KMT2A: variants seen among roughly 807,000 people sequenced by gnomAD.
The protein encoded by KMT2A is histone-lysine N-methyltransferase 2A.
Under a neutral mutation model 345.3 loss-of-function variants are expected in KMT2A, and 16 were observed. The ratio of observed to expected loss-of-function variants is 0.05; its 90% CI spans 0.03 to 0.07. KMT2A has a LOEUF of 0.07. Among genes scored for constraint, KMT2A ranks in the 10% least tolerant of loss-of-function variants. The pLI is 1.00. For missense variants in KMT2A, 3,272 were observed against 4,841.6 expected, an observed-to-expected ratio of 0.68 and a Z score of 9.62; for synonymous variants, 1,599 against 1,778.6, an observed-to-expected ratio of 0.90 and a Z score of 2.54.
intron 8 of KMT2A, among the ~76,000 whole-genome samples, chr11:118,482,970 C>T (rs550954564): frequency 3.9e-5 from 6 of 152,246 alleles, no homozygotes; most frequent in South Asian, 2.1e-4. Flanking sequence ...CAGCGGCTCA[C>T]GCCTGTGATC....
intron 28 of KMT2A, 115 bp downstream of exon 28, chr11:118,507,724 G>C: frequency 1.3e-6 from 1 of 766,622 alleles, no homozygotes; most frequent in Admixed American, 2.1e-5. Context: ...TAGTAGTCTG[G>C]GAGGCCGAGG....
At position 118,484,380 on chromosome 11, in the gene KMT2A, T is replaced by C; in HGVS notation, c.4218+66T>C. On this transcript the variant is annotated intron_variant, in intron 9 of 35. Coordinates refer to ENST00000534358, the MANE Select transcript of KMT2A (RefSeq NM_001197104.2). This position sits in a 1 kb window ranked among gnomAD's most constrained non-coding sequence, Gnocchi z 4.1. ...AGACTTTAAATAAAGAAAATGCTACTACCAAAGGTGTTGAAAGAGGAAATC... is the reference window on the plus strand; with the variant it reads ...AGACTTTAAATAAAGAAAATGCTACCACCAAAGGTGTTGAAAGAGGAAATC... 6 of 1,533,444 alleles carry C rather than the reference T, an allele frequency of 3.9e-6. No homozygotes were observed. In the South Asian group the frequency reaches 5.8e-5, roughly 15 times the overall value. 95.0% of individuals were successfully genotyped at this position (1,533,444 alleles called of 1,614,324 possible).
intron 1 of KMT2A, among the ~76,000 whole-genome samples, chr11:118,438,007 T>C (rs1949232989): frequency 6.6e-6 from 1 of 151,754 alleles, no homozygotes; most frequent in South Asian, 2.1e-4. Flanking sequence ...CAACCCGAGC[T>C]CCCTCCCGCC....
intron 31 of KMT2A, among the ~76,000 whole-genome samples, chr11:118,517,835 T>C (rs1950856370): frequency 6.6e-6 from 1 of 152,160 alleles, no homozygotes; most frequent in Admixed American, 6.5e-5. Context: ...GTGAAACCTG[T>C]CTCTTAGAAA....
At chr11:118,448,438 A>G (rs975565769) in intron 1 of KMT2A, 8 of 152,174 alleles carry the variant, frequency 5.3e-5, no homozygotes, top group Non-Finnish European at 1.0e-4. Context: ...GAGGGCTTGC[A>G]TCACTCAGAA....
At chr11:118,455,617 C>G (rs1555030537) in intron 1 of KMT2A, among the ~76,000 whole-genome samples, 1 of 152,100 alleles carries the variant, frequency 6.6e-6, no homozygotes, top group Non-Finnish European at 1.5e-5. Context: ...TTTTACCAAT[C>G]CTCCAATCCT....
Position 118,505,910 on chromosome 11 carries a change from A to C in KMT2A, c.10018A>C (p.Ser3340Arg). The change falls in exon 27 of 36, where the codon AGT becomes CGT. Residue 3340 changes from serine to arginine, a missense_variant. This residue lies in a region of KMT2A where 748 missense variants were observed against 922.2 expected (regional missense o/e 0.81). Transcript: ENST00000534358. This position sits in a 1 kb window ranked among gnomAD's most constrained non-coding sequence, Gnocchi z 4.6. ...TSGSVSGLAS[S>R]SSVLNVVSMQ... ...AGGGTCTGTGTCTGGCTTGGCATCC[A>C]GTTCCTCTGTCTTGAATGTTGTATC... 1 of 1,614,190 alleles carries C rather than the reference A, an allele frequency of 6.2e-7. No homozygotes were observed. The highest frequency in any genetic ancestry group is 8.5e-7 in the Non-Finnish European group (1 of 1,180,048).
intron 4 of KMT2A, among the ~76,000 whole-genome samples, chr11:118,477,414 C>A (rs1950056314): frequency 6.7e-6 from 1 of 149,472 alleles, no homozygotes; most frequent in Admixed American, 6.7e-5. Context: ...TCCTTAGAAG[C>A]ATTTGGTTTC....
Position 118,473,727 on chromosome 11 carries a change from G to T in KMT2A, c.2568G>T (p.Glu856Asp), listed in dbSNP as rs782432998. Reference sequence around the variant, plus strand: ...GGAGAAATAAAGACAAGGCCCCCGAGGAGCTGTCCAAAGATCGAGATGCTG... The same window carrying T: ...GGAGAAATAAAGACAAGGCCCCCGATGAGCTGTCCAAAGATCGAGATGCTG... ...ERGRNKDKAP[E>D]ELSKDRDADK... Residue 856 changes from glutamate (E) to aspartate (D), a missense_variant, in exon 3 of 36, where the codon GAG (glutamate) becomes GAT (aspartate). By Grantham distance (45) the Glu-to-Asp change is conservative. Transcript: ENST00000534358. This position sits in a 1 kb window ranked among gnomAD's most constrained non-coding sequence, Gnocchi z 5.2. 9 of 1,614,114 alleles carry T rather than the reference G, an allele frequency of 5.6e-6. No homozygotes were observed. The Middle Eastern group carries it at 5.0e-4, about 89-fold the overall frequency.
intron 31 of KMT2A, among the ~76,000 whole-genome samples, chr11:118,517,607 A>G (rs1555051956): frequency 1.2e-4 from 18 of 152,026 alleles, no homozygotes. Context: ...TGGGAGGCCA[A>G]GGAAGGAGGA....
At chr11:118,448,642 C>G (rs1949470083) in intron 1 of KMT2A, 2 of 152,202 alleles carry the variant, frequency 1.3e-5, no homozygotes, top group South Asian at 2.1e-4. Flanking sequence ...TTTGAATTTC[C>G]TACTGGAATT....
chr11:118,506,196 C>T lies in KMT2A; in HGVS notation c.10304C>T (p.Thr3435Ile). 1 of 1,614,166 alleles carries T rather than the reference C, an allele frequency of 6.2e-7. No homozygotes were observed. The highest frequency in any genetic ancestry group is 8.5e-7 in the Non-Finnish European group (1 of 1,180,020). Residue 3435 changes from threonine (T) to isoleucine (I), a missense_variant, in exon 27 of 36, where the codon ACT becomes ATT. Coordinates refer to ENST00000534358, the MANE Select transcript of KMT2A (RefSeq NM_001197104.2). ...TCTAGCATCTGTGTGCTCCCCTCCA[C>T]TCAGACTACGGGCATAACAGCCGCT... ...AASSICVLPS[T>I]QTTGITAASP...
At chr11:118,446,071 G>A (rs782791496) in intron 1 of KMT2A, among the ~76,000 whole-genome samples, 20 of 151,976 alleles carry the variant, frequency 1.3e-4, no homozygotes, top group Non-Finnish European at 2.4e-4. Flanking sequence ...TTTGCAGGCC[G>A]GGTGGGGTGG....
intron 1 of KMT2A, chr11:118,447,597 C>G (rs912333610): frequency 9.4e-5 from 42 of 447,640 alleles, no homozygotes; most frequent in Non-Finnish European, 1.7e-4. Flanking sequence ...TGATCATCCC[C>G]TTACTTGAGT....
Position 118,436,712 on chromosome 11 carries a change from C to CGGG in KMT2A, c.201_203dup (p.Gly68dup). The stretch of plus-strand genomic sequence containing the variant: ...GCTGTGGCGGCCGCGGCGGCGGCGG[C>CGGG]GGGAAGCAGCGGGGCTGGGGTTCCA... On this transcript the variant is annotated inframe_insertion, in exon 1 of 36. Transcript: ENST00000534358. The surrounding 1 kb of genome is among the most constrained non-coding windows in gnomAD (Gnocchi z 6.9). 2 of 1,373,160 alleles carry CGGG rather than the reference C, an allele frequency of 1.5e-6. No individual in the cohort carries two copies. Among genetic ancestry groups the CGGG allele is most frequent in the Non-Finnish European group, 1.9e-6 (2 of 1,058,876 alleles). The allele number at this position is 1,373,160 out of a possible 1,614,324, so 85.1% of individuals were successfully genotyped here.
chr11:118,451,656 A>ATT lies in KMT2A; in HGVS notation c.432+14728_432+14729dup, dbSNP rs34888107. Among the ~76,000 whole-genome samples the ATT allele has an allele frequency of 1.6e-3, 215 of 138,080 alleles. 1 individual carries two copies. The highest frequency in any genetic ancestry group is 4.7e-3 in the African/African-American group (175 of 37,506). The allele number at this position is 138,080 out of a possible 152,430, so 90.6% of individuals were successfully genotyped here. ...CACCCACCTCGGCCTCCCAAAGTGA[A>ATT]TTTTTTTTTTTTTTTTTGTAGAGAT... is the stretch of plus-strand genomic sequence containing the variant. On this transcript the variant is annotated intron_variant, in intron 1 of 35. Transcript: ENST00000534358.
At position 118,507,525 on chromosome 11, in the gene KMT2A, C is replaced by T; in HGVS notation, c.10755-4C>T. ...TTGAAAAGATACAAATGCCTGTGTT[C>T]CAGGACTCCAGGAGCAGAGGCTGAG... On this transcript the variant is annotated splice_region_variant and splice_polypyrimidine_tract_variant and intron_variant, in intron 27 of 35. Coordinates refer to ENST00000534358, the MANE Select transcript of KMT2A (RefSeq NM_001197104.2). 1 of 1,613,614 alleles carries T rather than the reference C, an allele frequency of 6.2e-7. No homozygotes were observed. Among genetic ancestry groups the T allele is most frequent in the Non-Finnish European group, 8.5e-7 (1 of 1,179,576 alleles).
At position 118,463,120 on chromosome 11, in the gene KMT2A, C is replaced by CT. The variant is rs1472388256; in HGVS notation, c.433-5652dup. On this transcript the variant is annotated intron_variant, in intron 1 of 35. Coordinates refer to ENST00000534358, the MANE Select transcript of KMT2A (RefSeq NM_001197104.2). ...AACAGTGTGTATCTCTTACATTTATCTTTATTTTTTTTTTTTAAATAAAGA... is the reference window on the plus strand; with the variant it reads ...AACAGTGTGTATCTCTTACATTTATCTTTTATTTTTTTTTTTTAAATAAAGA... Among the ~76,000 whole-genome samples, 1,060 of 150,942 alleles carry CT rather than the reference C, an allele frequency of 7.0e-3. 12 individuals are homozygous for CT. Among genetic ancestry groups the CT allele is most frequent in the African/African-American group, 0.024 (970 of 41,018 alleles).
intron 1 of KMT2A, among the ~76,000 whole-genome samples, chr11:118,446,207 C>T (rs1391900951): frequency 6.6e-6 from 1 of 151,460 alleles, no homozygotes; most frequent in African/African-American, 2.4e-5. Context: ...TAATTAGCTA[C>T]ATGTCGTGGT....
Sources: allele counts gnomAD v4.1 joint callset (sites outside exome capture counted in the v4.1 genomes callset), GRCh38; gene constraint gnomAD v4.1.1; regional missense constraint gnomAD v4.1.1; non-coding constraint Gnocchi (gnomAD v3.1); transcripts MANE v1.5; gene names NCBI Gene and HGNC (gene_info 2026-07-23, HGNC 2026-07-21).